DEGS2: variants seen among roughly 807,000 people sequenced by gnomAD.
DEGS2 encodes sphingolipid delta(4)-desaturase/C4-monooxygenase DES2.
Under a neutral mutation model 23.8 loss-of-function variants are expected in DEGS2, and 19 were observed. That is an observed-to-expected ratio of 0.80 (90% CI 0.56 to 1.17). The LOEUF (loss-of-function observed/expected upper bound fraction) is 1.17. DEGS2 is among the 50% of genes most tolerant of loss of function. The pLI, the probability that DEGS2 is intolerant of heterozygous loss-of-function variation, is 0.00. For synonymous variants in DEGS2, 218 were observed against 213.7 expected (o/e 1.02, Z -0.18); for missense variants, 390 against 459.5 (o/e 0.85, Z 1.38).
At position 100,149,406 on chromosome 14, in the gene DEGS2, C is replaced by T. The variant is rs556491189; in HGVS notation, c.387G>A (p.Val129=). The change falls in exon 2 of 3, where the codon GTG becomes GTA. Residue 129 remains valine, a synonymous_variant. Transcript: ENST00000305631. ...CGCCGCCCAGGTAGCGGTGGTGGTC[C>T]ACGTGGTACTTCTTGAAGGAGGCGG... is the stretch of plus-strand genomic sequence containing the variant. The part of the protein sequence containing the change: ...PYAASFKKYH[V]DHHRYLGGDG... The T allele has an allele frequency of 1.2e-6, 2 of 1,602,740 alleles. No individual in the cohort carries two copies. The highest frequency in any genetic ancestry group is 1.7e-6 in the Non-Finnish European group (2 of 1,173,388).
upstream of DEGS2, chr14:100,160,115 A>G (rs2140427392): frequency 6.6e-6 from 1 of 152,436 alleles, no homozygotes; most frequent in South Asian, 2.1e-4. Flanking sequence ...GTGCCAGTAA[A>G]CAGGCGCCGA....
chr14:100,153,439 G>A (rs1167847958), intron 1 of DEGS2, among the ~76,000 whole-genome samples: 2 of 152,222 alleles, frequency 1.3e-5, no homozygotes, highest in East Asian at 3.9e-4. Context: ...GGAGTCAATG[G>A]GTTCCATGGC....
rs187029061 is a variant in DEGS2 at position 100,144,092 on chromosome 14, G to A, written c.*2669C>T. On this transcript the variant is annotated 3_prime_UTR_variant, in exon 3 of 3. Coordinates refer to ENST00000305631, the MANE Select transcript of DEGS2 (RefSeq NM_206918.3). ...TGACGCTGTTAGCGCCTCAGCTGGC[G>A]GTGACAGCCGGCCCAGCGTGGCGCC... 4.6e-3 allele frequency: 1,597 copies of A among 343,558 alleles called. 4 individuals carry two copies. Among genetic ancestry groups the A allele is most frequent in the Admixed American group, 6.5e-3 (144 of 22,318 alleles). The allele number at this position is 343,558 out of a possible 1,614,324, so 21.3% of individuals were successfully genotyped here.
At chr14:100,150,855 A>T (rs879619437) in intron 1 of DEGS2, among the ~76,000 whole-genome samples, 1 of 151,920 alleles carries the variant, frequency 6.6e-6, no homozygotes, top group Non-Finnish European at 1.5e-5. Context: ...ACACAGAAGG[A>T]CAGCAGCGCC....
At chr14:100,154,530 G>T (rs954823086) in intron 1 of DEGS2, among the ~76,000 whole-genome samples, 3 of 152,356 alleles carry the variant, frequency 2.0e-5, no homozygotes, top group African/African-American at 4.8e-5. Context: ...TCTTCCCTAG[G>T]GGCCTATGGA....
At position 100,159,637 on chromosome 14, in the gene DEGS2, A is replaced by C. The variant is rs1595281054; in HGVS notation, c.-50T>G. On this transcript the variant is annotated 5_prime_UTR_variant, in exon 1 of 3. Transcript: ENST00000305631. ...AGCGCGGCCGGCTCGGCTCTGCTGC[A>C]CCTGTCGCGGCGGCCGCGGCGCGGA... The C allele has an allele frequency of 9.6e-7, 1 of 1,045,902 alleles. No homozygotes were observed. The highest frequency in any genetic ancestry group is 4.3e-5 in the Admixed American group (1 of 23,458). The allele number at this position is 1,045,902 out of a possible 1,614,324, so 64.8% of individuals were successfully genotyped here.
chr14:100,151,852 C>T (rs1485896197), intron 1 of DEGS2, among the ~76,000 whole-genome samples: 5 of 152,222 alleles, frequency 3.3e-5, no homozygotes, highest in East Asian at 1.9e-4. Context: ...AAACAACCCA[C>T]GCTTTTTGCA....
intron 1 of DEGS2, among the ~76,000 whole-genome samples, 187 bp downstream of exon 1, chr14:100,159,319 A>C (rs1396751776): frequency 2.0e-5 from 3 of 152,084 alleles, no homozygotes; most frequent in Non-Finnish European, 4.4e-5. Flanking sequence ...GGAGTTTCAG[A>C]CCCGGCCAGG....
intron 1 of DEGS2, among the ~76,000 whole-genome samples, chr14:100,156,319 T>A (rs920035677): frequency 3.3e-5 from 5 of 152,216 alleles, no homozygotes; most frequent in Non-Finnish European, 5.9e-5. Context: ...CACAGAGCAT[T>A]TCTCCAAGGC....
upstream of DEGS2, among the ~76,000 whole-genome samples, chr14:100,163,402 A>G (rs551276381): frequency 6.6e-6 from 1 of 152,342 alleles, no homozygotes; most frequent in South Asian, 2.1e-4. Context: ...AGATTTCGCT[A>G]CTGCACTCCA....
intron 1 of DEGS2, among the ~76,000 whole-genome samples, chr14:100,154,369 A>C (rs1205152357): frequency 6.6e-6 from 1 of 151,644 alleles, no homozygotes. Flanking sequence ...AAAAAAAAAA[A>C]AAAGAAAGAA....
intron 1 of DEGS2, among the ~76,000 whole-genome samples, chr14:100,151,123 C>T (rs1321579416): frequency 6.6e-6 from 1 of 152,254 alleles, no homozygotes. Context: ...AGCAGGGGCC[C>T]ACCAGCCTGC....
chr14:100,147,504 C>G (rs1371635090), intron 2 of DEGS2, among the ~76,000 whole-genome samples: 3 of 152,090 alleles, frequency 2.0e-5, no homozygotes, highest in African/African-American at 7.2e-5. Flanking sequence ...CACCTGCTGT[C>G]CCCTCCAGCC....
At chr14:100,155,943 T>C (rs1235171302) in intron 1 of DEGS2, among the ~76,000 whole-genome samples, 1 of 152,092 alleles carries the variant, frequency 6.6e-6, no homozygotes, top group Non-Finnish European at 1.5e-5. Context: ...CCAGTCTCGC[T>C]GGCTCCGGTC....
At chr14:100,165,584 C>A in the DEGS2 span, among the ~76,000 whole-genome samples, 4 of 152,202 alleles carry the variant, frequency 2.6e-5, no homozygotes, top group African/African-American at 9.6e-5. Context: ...ACCGGGCGGC[C>A]GCGGACGGGC....
upstream of DEGS2, among the ~76,000 whole-genome samples, chr14:100,164,282 G>A (rs1889782529): frequency 6.6e-6 from 1 of 152,104 alleles, no homozygotes; most frequent in Non-Finnish European, 1.5e-5. Context: ...TGTTCTCTGG[G>A]GATCACCCCT....
chr14:100,145,198 T>C lies in DEGS2; in HGVS notation c.*1563A>G, dbSNP rs536777113. The C allele has an allele frequency of 6.6e-6, 1 of 152,502 alleles. No individual in the cohort carries two copies. The highest frequency in any genetic ancestry group is 2.4e-5 in the African/African-American group (1 of 41,572). 9.4% of individuals were successfully genotyped at this position (152,502 alleles called of 1,614,324 possible). ...CTGGGCCTGGCCTTCAGTTTGTGGGTGAGGCCTGGACATGCCCCTTTGCGC... is the reference window on the plus strand; with the variant it reads ...CTGGGCCTGGCCTTCAGTTTGTGGGCGAGGCCTGGACATGCCCCTTTGCGC... On this transcript the variant is annotated 3_prime_UTR_variant, in exon 3 of 3. Transcript: ENST00000305631.
At chr14:100,147,519 C>G (rs555293025) in intron 2 of DEGS2, among the ~76,000 whole-genome samples, 1 of 151,952 alleles carries the variant, frequency 6.6e-6, no homozygotes, top group Admixed American at 6.5e-5. Context: ...CCAGCCTTTG[C>G]TCTACACAGA....
chr14:100,165,024 A>G, the DEGS2 span, among the ~76,000 whole-genome samples: 1 of 152,090 alleles, frequency 6.6e-6, no homozygotes, highest in African/African-American at 2.4e-5. Context: ...GAACATTTTT[A>G]TTTTCTGTGT....
Sources: allele counts gnomAD v4.1 joint callset (sites outside exome capture counted in the v4.1 genomes callset), GRCh38; gene constraint gnomAD v4.1.1; transcripts MANE v1.5; gene names NCBI Gene and HGNC (gene_info 2026-07-23, HGNC 2026-07-21).